Variants in BCAS3 observed in about 807,000 individuals in gnomAD.
The protein encoded by BCAS3 is BCAS4/BCAS3 fusion.
A neutral mutation model predicts 116.1 loss-of-function variants in BCAS3; 53 were observed. That is an observed-to-expected ratio of 0.46 (90% confidence interval 0.37 to 0.57). BCAS3 has a LOEUF of 0.57. Ranked by LOEUF, BCAS3 falls within the 20% of genes least tolerant of loss-of-function variation. The pLI, the probability that BCAS3 is intolerant of heterozygous loss-of-function variation, is 0.00. For missense variants in BCAS3, 917 were observed against 1,165.4 expected, an observed-to-expected ratio of 0.79 and a Z score of 3.10; for synonymous variants, 391 against 408.2, an observed-to-expected ratio of 0.96 and a Z score of 0.51.
chr17:60,811,811 G>A (rs2048853080), intron 7 of BCAS3, among the ~76,000 whole-genome samples: 1 of 152,214 alleles, frequency 6.6e-6, no homozygotes, highest in Admixed American at 6.5e-5. Flanking sequence ...ACTTTGGGAG[G>A]CCAAGGCCAG....
intron 6 of BCAS3, among the ~76,000 whole-genome samples, chr17:60,805,355 G>T (rs760783978): frequency 2.7e-4 from 41 of 152,056 alleles, no homozygotes; most frequent in South Asian, 8.3e-4. Flanking sequence ...AAAAGATAAG[G>T]TATCTTAAAA....
rs1163201569 is a variant in BCAS3, at chr17:61,181,007, C to T, written c.2425+96443C>T. On this transcript the variant is annotated intron_variant, in intron 22 of 23. Transcript: ENST00000407086. The surrounding 1 kb of genome is among the most constrained non-coding windows in gnomAD (Gnocchi z 5.0). ...CTGGGGTGGGGGGATCACTTGAGCC[C>T]AAGAGTTCGAGACCAGCCTGGGCAA... Among the ~76,000 whole-genome samples, 4 of 151,840 alleles carry T rather than the reference C, an allele frequency of 2.6e-5. No individual in the cohort carries two copies. The highest frequency in any genetic ancestry group is 4.4e-5 in the Non-Finnish European group (3 of 67,970).
At chr17:61,270,163 A>G (rs771115895) in intron 22 of BCAS3, among the ~76,000 whole-genome samples, 10 of 123,860 alleles carry the variant, frequency 8.1e-5, no homozygotes, top group Non-Finnish European at 1.6e-4. Context: ...TCTGTCACCC[A>G]GGCTAGAGTG....
rs979295140 is a variant in BCAS3, at chr17:61,323,298, G to C, written c.2426-45029G>C. ...CCCGTTCTGATTATTCTTCTCCTCT[G>C]AAATCTCACTGGTTGAATATGAATT... On this transcript the variant is annotated intron_variant, in intron 22 of 23. Coordinates refer to ENST00000407086, the MANE Select transcript of BCAS3 (RefSeq NM_017679.5). The surrounding 1 kb of genome is among the most constrained non-coding windows in gnomAD (Gnocchi z 4.6). 6.6e-6 allele frequency among the ~76,000 whole-genome samples: 1 copy of C among 152,124 alleles called. No homozygotes were observed. Among genetic ancestry groups the C allele is most frequent in the Non-Finnish European group, 1.5e-5 (1 of 68,028 alleles).
rs549628443 is a variant in BCAS3, at chr17:61,227,782, A to G, written c.2426-140545A>G. ...TTTTTGTGTTATTTATATTTTCTGT[A>G]ATGATTTTCTGTTGCTCTCTGCTTG... On this transcript the variant is annotated intron_variant, in intron 22 of 23. Transcript: ENST00000407086. This position sits in a 1 kb window ranked among gnomAD's most constrained non-coding sequence, Gnocchi z 6.1. Among the ~76,000 whole-genome samples the G allele has an allele frequency of 6.2e-4, 95 of 152,304 alleles. No individual in the cohort carries two copies. Among genetic ancestry groups the G allele is most frequent in the Non-Finnish European group, 1.1e-3 (74 of 68,014 alleles).
At chr17:61,329,038 G>T (rs1466532562) in intron 22 of BCAS3, among the ~76,000 whole-genome samples, 2 of 151,748 alleles carry the variant, frequency 1.3e-5, no homozygotes, top group Non-Finnish European at 2.9e-5. Flanking sequence ...GGGACTACAG[G>T]TGCCCACCAC....
chr17:60,754,820 T>C (rs986485751), intron 6 of BCAS3, among the ~76,000 whole-genome samples: 7 of 151,466 alleles, frequency 4.6e-5, no homozygotes, highest in African/African-American at 1.7e-4. Flanking sequence ...ACCAGTCTAT[T>C]GCAAAGATGA....
rs2081643329 is a variant in BCAS3 at position 61,214,329 on chromosome 17, T to A, written c.2425+129765T>A. On this transcript the variant is annotated intron_variant, in intron 22 of 23. Transcript: ENST00000407086. The surrounding 1 kb of genome is among the most constrained non-coding windows in gnomAD (Gnocchi z 4.4). ...TTGCGGTGAGCTGAGATCATGCCAT[T>A]GCACTCCAGCCTCGGCCACAGAGCA... is the stretch of plus-strand genomic sequence containing the variant. Among the ~76,000 whole-genome samples, 1 of 151,762 alleles carries A rather than the reference T, an allele frequency of 6.6e-6. No homozygotes were observed. Among genetic ancestry groups the A allele is most frequent in the Non-Finnish European group, 1.5e-5 (1 of 67,964 alleles).
intron 6 of BCAS3, among the ~76,000 whole-genome samples, chr17:60,766,824 G>A (rs557803931): frequency 1.3e-5 from 2 of 152,132 alleles, no homozygotes; most frequent in African/African-American, 2.4e-5. Context: ...AGAGGCAGGC[G>A]GGCCCTGTTG....
chr17:60,742,593 C>T (rs1327509351), intron 5 of BCAS3, among the ~76,000 whole-genome samples: 8 of 151,454 alleles, frequency 5.3e-5, no homozygotes, highest in African/African-American at 1.5e-4. Flanking sequence ...CCACCATGCC[C>T]GGCTAATTTT....
At position 61,087,217 on chromosome 17, in the gene BCAS3, A is replaced by C. The variant is rs2073160760; in HGVS notation, c.2425+2653A>C. On this transcript the variant is annotated intron_variant, in intron 22 of 23. Transcript: ENST00000407086. The surrounding 1 kb of genome is among the most constrained non-coding windows in gnomAD (Gnocchi z 4.6). The stretch of plus-strand genomic sequence containing the variant: ...AGGAAGTTGCTTATCTGGAGGTTTC[A>C]TTGCCTGTTACTTGGAGATACGACC... The C allele has an allele frequency of 4.1e-6, 4 of 985,380 alleles. No homozygotes were observed. In the South Asian group the frequency reaches 1.4e-4, roughly 35 times the overall value. The allele number at this position is 985,380 out of a possible 1,614,324, so 61.0% of individuals were successfully genotyped here.
rs1048693450 is a variant in BCAS3, at chr17:61,145,050, G to A, written c.2425+60486G>A. ...AGAACAAGATAACAACTCCAGGCCA[G>A]CTGTCAAATGTTTACCATTATCAAA... On this transcript the variant is annotated intron_variant, in intron 22 of 23. Transcript: ENST00000407086. This position sits in a 1 kb window ranked among gnomAD's most constrained non-coding sequence, Gnocchi z 5.0. Among the ~76,000 whole-genome samples the A allele has an allele frequency of 2.6e-5, 4 of 152,214 alleles. No individual in the cohort carries two copies. Among genetic ancestry groups the A allele is most frequent in the African/African-American group, 9.6e-5 (4 of 41,454 alleles).
At chr17:61,191,541 C>T (rs2080114514) in intron 22 of BCAS3, among the ~76,000 whole-genome samples, 1 of 151,972 alleles carries the variant, frequency 6.6e-6, no homozygotes, top group Admixed American at 6.6e-5. Context: ...TTTGGGAGTC[C>T]GAGGCGGGCG....
chr17:60,870,818 TC>T (rs1344553170), intron 8 of BCAS3, among the ~76,000 whole-genome samples: 1 of 152,202 alleles, frequency 6.6e-6, no homozygotes, highest in Non-Finnish European at 1.5e-5. Flanking sequence ...AAGTCTTGAC[TC>T]CTACAACAAA....
At chr17:60,761,484 G>T (rs945553879) in intron 6 of BCAS3, among the ~76,000 whole-genome samples, 1 of 151,916 alleles carries the variant, frequency 6.6e-6, no homozygotes, top group Non-Finnish European at 1.5e-5. Flanking sequence ...GCAATAGTTT[G>T]CTCAGAATGA....
At chr17:61,138,201 A>C (rs1345348014) in intron 22 of BCAS3, among the ~76,000 whole-genome samples, 1 of 152,206 alleles carries the variant, frequency 6.6e-6, no homozygotes, top group Non-Finnish European at 1.5e-5. Flanking sequence ...AAGGAACTGA[A>C]ATTTTAAATT....
intron 7 of BCAS3, among the ~76,000 whole-genome samples, chr17:60,857,715 G>A (rs2053797847): frequency 6.6e-6 from 1 of 152,124 alleles, no homozygotes; most frequent in Non-Finnish European, 1.5e-5. Flanking sequence ...GAATATGTCG[G>A]GCGTGCACCC....
intron 10 of BCAS3, among the ~76,000 whole-genome samples, chr17:60,899,630 T>C (rs1026336472): frequency 1.3e-5 from 2 of 152,056 alleles, no homozygotes; most frequent in Admixed American, 6.5e-5. Flanking sequence ...CCTGAGTAGC[T>C]AGGATTATAG....
intron 7 of BCAS3, among the ~76,000 whole-genome samples, chr17:60,856,508 G>A (rs1455536471): frequency 6.6e-6 from 1 of 152,044 alleles, no homozygotes; most frequent in African/African-American, 2.4e-5. Context: ...GGCCAACATT[G>A]TGAAACCCTG....
Sources: allele counts gnomAD v4.1 joint callset (sites outside exome capture counted in the v4.1 genomes callset), GRCh38; gene constraint gnomAD v4.1.1; non-coding constraint Gnocchi (gnomAD v3.1); transcripts MANE v1.5; gene names NCBI Gene and HGNC (gene_info 2026-07-23, HGNC 2026-07-21).